The following CALN1 variants were observed in gnomAD, a reference collection of about 807,000 sequenced individuals.
The protein encoded by CALN1 is calneuron 1.
CALN1 carries 17 observed loss-of-function variants against 30.6 expected under a neutral mutation model. The observed-to-expected ratio is 0.56, with a 90% confidence interval of 0.38 to 0.83. The LOEUF (loss-of-function observed/expected upper bound fraction) is 0.83. CALN1 is among the 40% of genes least tolerant of loss of function. The pLI is 0.00. For missense variants in CALN1, 291 were observed against 354.9 expected (o/e 0.82, Z 1.45); for synonymous variants, 156 against 131.4 (o/e 1.19, Z -1.28).
chr7:72,030,787 C>T (rs1369406628), intron 4 of CALN1, among the ~76,000 whole-genome samples: 2 of 151,848 alleles, frequency 1.3e-5, no homozygotes, highest in Admixed American at 1.3e-4. Flanking sequence ...TGCTCTGTCA[C>T]CTAGGCTGGA....
At chr7:72,124,988 T>A (rs1443239823) in intron 3 of CALN1, among the ~76,000 whole-genome samples, 1 of 152,172 alleles carries the variant, frequency 6.6e-6, no homozygotes, top group Non-Finnish European at 1.5e-5. Flanking sequence ...AATTTTCTAG[T>A]TCAAGTGAAT....
chr7:72,191,106 A>G (rs1384261951), intron 3 of CALN1, among the ~76,000 whole-genome samples: 1 of 152,230 alleles, frequency 6.6e-6, no homozygotes, highest in African/African-American at 2.4e-5. Flanking sequence ...TGAGAGACAG[A>G]TGCGCCAACG....
chr7:72,382,569 G>A (rs1276681933), intron 2 of CALN1, among the ~76,000 whole-genome samples: 1 of 152,146 alleles, frequency 6.6e-6, no homozygotes, highest in African/African-American at 2.4e-5. Context: ...CCCACGTAGT[G>A]AGCATAGTAC....
chr7:72,274,625 TA>T (rs1797220511), intron 3 of CALN1, among the ~76,000 whole-genome samples: 1 of 152,138 alleles, frequency 6.6e-6, no homozygotes. Context: ...TCTAAAAGTA[TA>T]AGATATTGCT....
At chr7:72,398,536 C>T (rs1327482666) in intron 2 of CALN1, among the ~76,000 whole-genome samples, 1 of 152,232 alleles carries the variant, frequency 6.6e-6, no homozygotes, top group Non-Finnish European at 1.5e-5. Flanking sequence ...GCTGAAGCCA[C>T]ACCATAGTGG....
At chr7:71,972,457 CTCTTT>C (rs1412855535) in intron 5 of CALN1, among the ~76,000 whole-genome samples, 6 of 152,156 alleles carry the variant, frequency 3.9e-5, no homozygotes, top group Non-Finnish European at 5.9e-5. Context: ...TTTTTACCTT[CTCTTT>C]TATGTTCATC....
At chr7:72,295,124 C>T (rs1798762996) in intron 2 of CALN1, among the ~76,000 whole-genome samples, 1 of 151,998 alleles carries the variant, frequency 6.6e-6, no homozygotes, top group African/African-American at 2.4e-5. Flanking sequence ...ATTTATGTAA[C>T]CAAACACCAC....
At chr7:72,118,326 C>T (rs1438943242) in intron 3 of CALN1, among the ~76,000 whole-genome samples, 2 of 152,140 alleles carry the variant, frequency 1.3e-5, no homozygotes, top group African/African-American at 4.8e-5. Flanking sequence ...ATTAAGTCAA[C>T]TCCTTCCCTA....
chr7:72,503,997 G>C, the CALN1 span, among the ~76,000 whole-genome samples: 9 of 152,148 alleles, frequency 5.9e-5, no homozygotes, highest in Non-Finnish European at 1.0e-4. Context: ...CCATAGAGGA[G>C]TGTGGGTGGG....
chr7:71,885,054 T>C (rs549881806), intron 5 of CALN1, among the ~76,000 whole-genome samples: 1 of 152,334 alleles, frequency 6.6e-6, no homozygotes, highest in South Asian at 2.1e-4. Flanking sequence ...CTCAACAAAT[T>C]GTCAACCAGA....
chr7:72,062,165 T>C (rs1462091786), intron 4 of CALN1, among the ~76,000 whole-genome samples: 4 of 152,160 alleles, frequency 2.6e-5, no homozygotes, highest in Non-Finnish European at 5.9e-5. Context: ...AAGAAATTCA[T>C]TGTCAGCACA....
chr7:72,471,422 A>G, the CALN1 span, among the ~76,000 whole-genome samples: 1 of 152,262 alleles, frequency 6.6e-6, no homozygotes. Flanking sequence ...CCCAGTGTCA[A>G]TGGGTCCTCA....
chr7:72,205,551 A>AAAATATATATATATATAT, intron 3 of CALN1, among the ~76,000 whole-genome samples: 1 of 83,052 alleles, frequency 1.2e-5, no homozygotes, highest in African/African-American at 7.5e-5. Flanking sequence ...GCAAAAAAAA[A>AAAATATATATATATATAT]ATATATATAT....
intron 5 of CALN1, among the ~76,000 whole-genome samples, chr7:71,857,024 G>GTGTGTGTGTGTA (rs967552020): frequency 1.1e-5 from 1 of 91,696 alleles, no homozygotes; most frequent in African/African-American, 4.8e-5. Context: ...GTATGTGTGT[G>GTGTGTGTGTGTA]TGTGTGTGTG....
intron 4 of CALN1, among the ~76,000 whole-genome samples, chr7:72,067,401 C>A (rs748348827): frequency 3.3e-5 from 5 of 151,948 alleles, no homozygotes; most frequent in Non-Finnish European, 7.4e-5. Context: ...TATTACCATG[C>A]CCAGCCAATT....
intron 5 of CALN1, among the ~76,000 whole-genome samples, chr7:71,823,934 G>A (rs771477388): frequency 2.6e-5 from 4 of 152,026 alleles, no homozygotes; most frequent in South Asian, 2.1e-4. Flanking sequence ...ATCAGATCGC[G>A]TGAGACTTAC....
At chr7:71,925,151 G>C (rs943660239) in intron 5 of CALN1, among the ~76,000 whole-genome samples, 1 of 152,086 alleles carries the variant, frequency 6.6e-6, no homozygotes, top group Non-Finnish European at 1.5e-5. Context: ...TGAAGCAGGA[G>C]GATCGCTTGA....
In CALN1 at chr7:72,403,365, C is replaced by G. The variant is rs748601544; in HGVS notation, c.5G>C (p.Arg2Pro). 1 of 1,546,374 alleles carries G rather than the reference C, an allele frequency of 6.5e-7. No individual in the cohort carries two copies. Among genetic ancestry groups the G allele is most frequent in the Admixed American group, 2.0e-5 (1 of 50,966 alleles). ...CCCCTCTCCGGGTTGCTCTGGCAGC[C>G]GCATCGGGGGTCCAGGGCGATGTTC... MRLPEQPGEGKP... is the reference protein window; with the variant it reads MPLPEQPGEGKP... The change falls in exon 2 of 7, where the codon CGG (arginine) becomes CCG (proline). Residue 2 changes from arginine to proline, a missense_variant. Physicochemically the swap from Arg to Pro is moderately radical, Grantham distance 103. This residue lies in a region of CALN1 where 122 missense variants were observed against 103.2 expected (regional missense o/e 1.18). Transcript: ENST00000395275.
intron 4 of CALN1, among the ~76,000 whole-genome samples, chr7:72,079,849 C>T (rs1805009192): frequency 6.8e-6 from 1 of 147,864 alleles, no homozygotes; most frequent in African/African-American, 2.5e-5. Flanking sequence ...CGGCTCACTG[C>T]AGCCTCCACC....
Sources: allele counts gnomAD v4.1 joint callset (sites outside exome capture counted in the v4.1 genomes callset), GRCh38; gene constraint gnomAD v4.1.1; regional missense constraint gnomAD v4.1.1; transcripts MANE v1.5; gene names NCBI Gene and HGNC (gene_info 2026-07-23, HGNC 2026-07-21).